ASXL2: variants seen among roughly 807,000 people sequenced by gnomAD.
ASXL2 encodes the protein ASXL transcriptional regulator 2, also known as putative Polycomb group protein ASXL2.
Under a neutral mutation model 122.0 loss-of-function variants are expected in ASXL2, and 23 were observed. The observed-to-expected ratio is 0.19, with a 90% confidence interval of 0.14 to 0.27. The LOEUF is 0.27. Ranked by LOEUF, ASXL2 falls within the 10% of genes least tolerant of loss-of-function variation. ASXL2 has a pLI of 1.00. For synonymous variants in ASXL2, 650 were observed against 637.0 expected (o/e 1.02, Z -0.31); for missense variants, 1,518 against 1,713.8 (o/e 0.89, Z 2.02).
rs187120814 is a variant in ASXL2, at chr2:25,776,883, G to C, written c.404-5343C>G. The stretch of plus-strand genomic sequence containing the variant: ...TGCAGCCCAGAAAAGTGACAATAAA[G>C]CTATCTGCAATTACCAGGACAAACT... On this transcript the variant is annotated intron_variant, in intron 5 of 12. Coordinates refer to ENST00000435504, the MANE Select transcript of ASXL2 (RefSeq NM_018263.6). Among the ~76,000 whole-genome samples the C allele has an allele frequency of 2.7e-3, 409 of 152,202 alleles. 3 individuals are homozygous for C. The highest frequency in any genetic ancestry group is 9.4e-3 in the African/African-American group (392 of 41,508).
intron 11 of ASXL2, 68 bp downstream of exon 11, chr2:25,753,466 A>G: frequency 9.2e-7 from 1 of 1,083,752 alleles, no homozygotes; most frequent in Non-Finnish European, 1.3e-6. Context: ...GAAGGTAATG[A>G]GATAAAGCAC....
intron 3 of ASXL2, among the ~76,000 whole-genome samples, chr2:25,807,986 TACACACACAC>T (rs147273836): frequency 4.6e-5 from 6 of 131,728 alleles, no homozygotes; most frequent in African/African-American, 1.4e-4. Flanking sequence ...AATCAGCTTT[TACACACACAC>T]ACACACACAC....
chr2:25,848,389 G>A (rs868208499), intron 1 of ASXL2, among the ~76,000 whole-genome samples: 21 of 151,840 alleles, frequency 1.4e-4, no homozygotes, highest in Middle Eastern at 3.4e-3. Flanking sequence ...TTGGGAGGCC[G>A]AGATAGGTGG....
At chr2:25,860,958 G>A (rs1020178464) in intron 1 of ASXL2, among the ~76,000 whole-genome samples, 3 of 146,788 alleles carry the variant, frequency 2.0e-5, no homozygotes, top group Non-Finnish European at 3.0e-5. Flanking sequence ...GTTGCAGTGA[G>A]CTGAGATCAC....
intron 3 of ASXL2, chr2:25,822,541 G>C (rs1400485052): frequency 8.1e-6 from 4 of 495,896 alleles, no homozygotes; most frequent in Admixed American, 7.8e-5. Context: ...ACACAGTAAG[G>C]ATGTTCATGT....
At chr2:25,774,570 CA>C (rs1449887955) in intron 5 of ASXL2, among the ~76,000 whole-genome samples, 1 of 152,084 alleles carries the variant, frequency 6.6e-6, no homozygotes, top group Non-Finnish European at 1.5e-5. Context: ...CATTTAATAG[CA>C]TTGAATTCTG....
intron 3 of ASXL2, among the ~76,000 whole-genome samples, chr2:25,824,601 G>T (rs565684277): frequency 6.6e-6 from 1 of 152,026 alleles, no homozygotes; most frequent in African/African-American, 2.4e-5. Flanking sequence ...TTCAAGAATC[G>T]AACAAAATCA....
At chr2:25,857,587 A>G (rs1241160611) in intron 1 of ASXL2, among the ~76,000 whole-genome samples, 1 of 152,144 alleles carries the variant, frequency 6.6e-6, no homozygotes, top group Non-Finnish European at 1.5e-5. Flanking sequence ...TACTCCACCA[A>G]TGTAGAACGC....
In ASXL2 at chr2:25,743,688, A is replaced by C; in HGVS notation, c.2649T>G (p.Thr883=). The C allele has an allele frequency of 1.2e-6, 2 of 1,613,872 alleles. No homozygotes were observed. The highest frequency in any genetic ancestry group is 1.7e-6 in the Non-Finnish European group (2 of 1,179,862). The change falls in exon 13 of 13, where the codon ACT becomes ACG. Residue 883 remains threonine, a synonymous_variant. Coordinates refer to ENST00000435504, the MANE Select transcript of ASXL2 (RefSeq NM_018263.6). Reference sequence around the variant, plus strand: ...TCAATAAAGATGTTAAAGGGGAGGGAGTTACAGCCACTGGCACACTAGCAT... The same window carrying C: ...TCAATAAAGATGTTAAAGGGGAGGGCGTTACAGCCACTGGCACACTAGCAT... ...KTDASVPVAV[T]PSPLTSLLTT... is the part of the protein sequence containing the mutation.
chr2:25,749,987 T>C lies in ASXL2; in HGVS notation c.1569A>G (p.Thr523=), dbSNP rs768212597. The C allele has an allele frequency of 1.2e-6, 2 of 1,614,044 alleles. No homozygotes were observed. Among genetic ancestry groups the C allele is most frequent in the Non-Finnish European group, 8.5e-7 (1 of 1,179,896 alleles). Residue 523 remains threonine (T), a synonymous_variant, in exon 12 of 13, where the codon ACA becomes ACG. Transcript: ENST00000435504. ...CAGGACTCTTGGGTTTGCTTGGCGA[T>C]GTAACTAAAGATTCTTGGCTTTCAC... is the stretch of plus-strand genomic sequence containing the variant. ...NKSESQESLV[T]SPSKPKSPGV... is the part of the protein sequence containing the mutation.
rs779559617 is a variant in ASXL2, at chr2:25,743,726, A to G, written c.2611T>C (p.Ser871Pro). 85 of 1,613,868 alleles carry G rather than the reference A, an allele frequency of 5.3e-5. 1 individual carries two copies. The highest frequency in any genetic ancestry group is 7.0e-5 in the Non-Finnish European group (83 of 1,179,908). ...PSKNIPNPSA[S>P]SKTDASVPVA... Reference sequence around the variant, plus strand: ...GGCACACTAGCATCTGTCTTTGATGAGGCTGAAGGGTTAGGTATATTCTTA... The same window carrying G: ...GGCACACTAGCATCTGTCTTTGATGGGGCTGAAGGGTTAGGTATATTCTTA... Residue 871 changes from serine (S) to proline (P), a missense_variant, in exon 13 of 13, where the codon TCA becomes CCA. Around this residue, in one of 8 missense-constraint regions of ASXL2, gnomAD observed 831 missense variants for 833.1 expected, o/e 1.00. Transcript: ENST00000435504.
chr2:25,805,540 G>C (rs2089068714), intron 4 of ASXL2, among the ~76,000 whole-genome samples: 1 of 151,556 alleles, frequency 6.6e-6, no homozygotes, highest in African/African-American at 2.4e-5. Context: ...CCCCAACTGT[G>C]AATTGTGAGA....
At chr2:25,770,393 G>A (rs2088427169) in intron 6 of ASXL2, among the ~76,000 whole-genome samples, 1 of 152,010 alleles carries the variant, frequency 6.6e-6, no homozygotes, top group South Asian at 2.1e-4. Flanking sequence ...CGCCTGCCTT[G>A]GCCTCCCGAA....
At chr2:25,788,885 G>A (rs976188911) in intron 5 of ASXL2, among the ~76,000 whole-genome samples, 8 of 151,486 alleles carry the variant, frequency 5.3e-5, no homozygotes, top group Non-Finnish European at 7.4e-5. Flanking sequence ...TTAAAGTTAC[G>A]TTTTGATGAA....
chr2:25,826,064 G>A (rs2089371176), intron 3 of ASXL2, among the ~76,000 whole-genome samples: 1 of 152,120 alleles, frequency 6.6e-6, no homozygotes, highest in Non-Finnish European at 1.5e-5. Context: ...ATGTCCTCAA[G>A]CATTTCCAAT....
rs1304190935 is a variant in ASXL2, at chr2:25,739,463, T to C, written c.*2566A>G. ...TGAAACCAACTGATAAATAGACTGG[T>C]ATTCAAGTTACTACCCAACTGAGAG... is the stretch of plus-strand genomic sequence containing the variant. On this transcript the variant is annotated 3_prime_UTR_variant, in exon 13 of 13. Transcript: ENST00000435504. The C allele has an allele frequency of 5.4e-6, 1 of 184,286 alleles. No individual in the cohort carries two copies. The highest frequency in any genetic ancestry group is 1.2e-5 in the Non-Finnish European group (1 of 86,928). 11.4% of individuals were successfully genotyped at this position (184,286 alleles called of 1,614,324 possible). A position where few individuals can be genotyped will look rare whatever the true frequency, so the allele number is the denominator to read the frequency against.
At position 25,744,008 on chromosome 2, in the gene ASXL2, G is replaced by T. The variant is rs1484897435; in HGVS notation, c.2329C>A (p.Pro777Thr). Residue 777 changes from proline to threonine, a missense_variant, in exon 13 of 13, where the codon CCC (proline) becomes ACC (threonine). Physicochemically the swap from Pro to Thr is conservative, Grantham distance 38 (BLOSUM62 -1). This residue lies in a region of ASXL2 where 831 missense variants were observed against 833.1 expected (regional missense o/e 1.00). Transcript: ENST00000435504. The surrounding 1 kb of genome is among the most constrained non-coding windows in gnomAD (Gnocchi z 4.7). Reference sequence around the variant, plus strand: ...ACGGCAGGTGTTGGAGGCACTGGGGGGGTTTGCTGTAGTTGTGCTCCAGAG... The same window carrying T: ...ACGGCAGGTGTTGGAGGCACTGGGGTGGTTTGCTGTAGTTGTGCTCCAGAG... ...SVSGAQLQQT[P>T]PVPPTPAVSG... 1.3e-5 allele frequency: 21 copies of T among 1,613,896 alleles called. No homozygotes were observed. In the South Asian group the frequency reaches 2.3e-4, roughly 18 times the overall value.
intron 3 of ASXL2, among the ~76,000 whole-genome samples, chr2:25,818,467 T>C (rs891772368): frequency 1.3e-5 from 2 of 152,174 alleles, no homozygotes; most frequent in African/African-American, 4.8e-5. Flanking sequence ...GCCGAGATCA[T>C]GCCACTGTAC....
At position 25,871,457 on chromosome 2, in the gene ASXL2, T is replaced by C. The variant is rs185911522; in HGVS notation, c.57+6709A>G. On this transcript the variant is annotated intron_variant, in intron 1 of 12. Transcript: ENST00000435504. ...GTAGCAGCAGCAGCAGCACCTTTCA[T>C]AGAAATTTTTAATTTAAGTGTTCAA... 2.6e-5 allele frequency among the ~76,000 whole-genome samples: 4 copies of C among 151,978 alleles called. No individual in the cohort carries two copies. In the East Asian group the frequency reaches 7.7e-4, roughly 29 times the overall value.
Sources: allele counts gnomAD v4.1 joint callset (sites outside exome capture counted in the v4.1 genomes callset), GRCh38; gene constraint gnomAD v4.1.1; regional missense constraint gnomAD v4.1.1; non-coding constraint Gnocchi (gnomAD v3.1); transcripts MANE v1.5; gene names NCBI Gene and HGNC (gene_info 2026-07-23, HGNC 2026-07-21).